MYRF: variants seen among roughly 807,000 people sequenced by gnomAD.
MYRF encodes the protein myelin regulatory factor.
Under a neutral mutation model 126.3 loss-of-function variants are expected in MYRF, and 16 were observed. That is an observed-to-expected ratio of 0.13 (90% CI 0.09 to 0.19). The LOEUF (loss-of-function observed/expected upper bound fraction) is 0.19. Ranked by LOEUF, MYRF falls within the 10% of genes least tolerant of loss-of-function variation. MYRF has a pLI of 1.00. For synonymous variants in MYRF, 608 were observed against 635.3 expected (o/e 0.96, Z 0.65); for missense variants, 1,104 against 1,547.0 (o/e 0.71, Z 4.80).
At chr11:61,756,679 A>T (rs2065768221) in intron 1 of MYRF, among the ~76,000 whole-genome samples, 1 of 104,802 alleles carries the variant, frequency 9.5e-6, no homozygotes, top group Admixed American at 1.3e-4. Context: ...GTATGTGAAC[A>T]GAGGCGGCGG....
In MYRF at chr11:61,776,455, C is replaced by A; in HGVS notation, c.1499+23C>A. On this transcript the variant is annotated intron_variant, in intron 10 of 26. Coordinates refer to ENST00000278836, the MANE Select transcript of MYRF (RefSeq NM_001127392.3). This position sits in a 1 kb window ranked among gnomAD's most constrained non-coding sequence, Gnocchi z 4.3. ...GAGGTGAGCAGGTGGGGGCCCTGCC[C>A]CGGAGCCCCTCCATTTCTGAGGCAG... is the stretch of plus-strand genomic sequence containing the variant. 6.3e-7 allele frequency: 1 copy of A among 1,593,526 alleles called. No homozygotes were observed. Among genetic ancestry groups the A allele is most frequent in the South Asian group, 1.1e-5 (1 of 89,130 alleles).
chr11:61,778,357 T>G lies in MYRF; in HGVS notation c.1904-23T>G. 1 of 1,490,718 alleles carries G rather than the reference T, an allele frequency of 6.7e-7. No individual in the cohort carries two copies. Among genetic ancestry groups the G allele is most frequent in the Non-Finnish European group, 9.4e-7 (1 of 1,067,770 alleles). The allele number at this position is 1,490,718 out of a possible 1,614,324, so 92.3% of individuals were successfully genotyped here. ...GCCCTTTACCACCCCCCCACCCATC[T>G]TTGGCTTGTCCCCTGCCCCCAGGTG... On this transcript the variant is annotated intron_variant, in intron 13 of 26. Coordinates refer to ENST00000278836, the MANE Select transcript of MYRF (RefSeq NM_001127392.3). The surrounding 1 kb of genome is among the most constrained non-coding windows in gnomAD (Gnocchi z 4.6).
At chr11:61,755,264 T>G in intron 1 of MYRF, 1 of 1,078,400 alleles carries the variant, frequency 9.3e-7, no homozygotes. Flanking sequence ...GGCTGGGGGC[T>G]AAGGCGCTTT....
In MYRF at chr11:61,787,281, C is replaced by T. The variant is rs930520039; in HGVS notation, c.*1138C>T. On this transcript the variant is annotated 3_prime_UTR_variant, in exon 27 of 27. Transcript: ENST00000278836. Reference sequence around the variant, plus strand: ...CAGGGAGCCTCCGACACCCATCCCACTCCCAACCACCAAGACCCTGGGTTA... The same window carrying T: ...CAGGGAGCCTCCGACACCCATCCCATTCCCAACCACCAAGACCCTGGGTTA... 2.0e-5 allele frequency: 3 copies of T among 152,348 alleles called. No individual in the cohort carries two copies. Among genetic ancestry groups the T allele is most frequent in the Admixed American group, 1.3e-4 (2 of 15,278 alleles). The allele number at this position is 152,348 out of a possible 1,614,324, so 9.4% of individuals were successfully genotyped here. A position where few individuals can be genotyped will look rare whatever the true frequency, so the allele number is the denominator to read the frequency against.
Position 61,771,741 on chromosome 11 carries a change from C to G in MYRF, c.982C>G (p.Pro328Ala). Residue 328 changes from proline (P) to alanine (A), a missense_variant, in exon 6 of 27, where the codon CCC becomes GCC. Physicochemically the swap from Pro to Ala is conservative, Grantham distance 27 (BLOSUM62 -1). Transcript: ENST00000278836. Reference protein sequence around the residue: ...QTPPWHPPGAPSPGLLQDSDS... With the variant: ...QTPPWHPPGAASPGLLQDSDS... ...ACCGCCTTGGCACCCGCCAGGTGCC[C>G]CCTCCCCAGGTACATGGCTGGCCAA... 6.2e-7 allele frequency: 1 copy of G among 1,611,830 alleles called. No homozygotes were observed. Among genetic ancestry groups the G allele is most frequent in the Non-Finnish European group, 8.5e-7 (1 of 1,178,538 alleles).
chr11:61,770,857 C>G (rs1332180584), intron 5 of MYRF, among the ~76,000 whole-genome samples: 1 of 152,106 alleles, frequency 6.6e-6, no homozygotes, highest in African/African-American at 2.4e-5. Context: ...TTACCCAGAC[C>G]CCAGTGATTT....
chr11:61,755,353 C>A (rs1479086299), intron 1 of MYRF: 2 of 1,598,300 alleles, frequency 1.3e-6, no homozygotes, highest in Non-Finnish European at 1.7e-6. Flanking sequence ...CCCGGCTAAT[C>A]CCCTAGAGAG....
intron 26 of MYRF, 84 bp downstream of exon 26, chr11:61,785,958 G>A (rs2066683268): frequency 6.4e-7 from 1 of 1,561,054 alleles, no homozygotes; most frequent in Non-Finnish European, 8.8e-7. Context: ...GGTTTGCACA[G>A]TATGTGGTAG....
intron 25 of MYRF, 95 bp from the exon 26 acceptor site, chr11:61,785,705 C>T: frequency 1.0e-6 from 1 of 986,442 alleles, no homozygotes. Flanking sequence ...TCATAAAACT[C>T]CCCACAGACC....
At chr11:61,767,421 C>T (rs543651953) in intron 3 of MYRF, 15 of 456,582 alleles carry the variant, frequency 3.3e-5, no homozygotes, top group African/African-American at 2.6e-4. Context: ...TTTAATGGCA[C>T]ACTGAGGCTC....
At chr11:61,781,541 GCTT>G (rs1385565591) in intron 21 of MYRF, 29 bp from the exon 22 acceptor site, 4 of 1,596,570 alleles carry the variant, frequency 2.5e-6, no homozygotes, top group Non-Finnish European at 3.4e-6. Flanking sequence ...CCAGCTTCCA[GCTT>G]CTTAGCCTGT....
At position 61,783,937 on chromosome 11, in the gene MYRF, T is replaced by C. The variant is rs2066621937; in HGVS notation, c.3194+12T>C. On this transcript the variant is annotated intron_variant, in intron 24 of 26. Transcript: ENST00000278836. This position sits in a 1 kb window ranked among gnomAD's most constrained non-coding sequence, Gnocchi z 4.6. ...ACTCTGCAGATGAAGTGAGTGCCGG[T>C]GTGGGGAAGTGGGAGGCAGGAGGGG... The C allele has an allele frequency of 1.9e-6, 3 of 1,592,934 alleles. No individual in the cohort carries two copies. Among genetic ancestry groups the C allele is most frequent in the Non-Finnish European group, 1.7e-6 (2 of 1,168,316 alleles).
At position 61,783,803 on chromosome 11, in the gene MYRF, G is replaced by C; in HGVS notation, c.3120-48G>C. 1 of 1,542,526 alleles carries C rather than the reference G, an allele frequency of 6.5e-7. No individual in the cohort carries two copies. Among genetic ancestry groups the C allele is most frequent in the Non-Finnish European group, 8.8e-7 (1 of 1,136,482 alleles). On this transcript the variant is annotated intron_variant, in intron 23 of 26. Coordinates refer to ENST00000278836, the MANE Select transcript of MYRF (RefSeq NM_001127392.3). The surrounding 1 kb of genome is among the most constrained non-coding windows in gnomAD (Gnocchi z 4.6). ...GCTGAGGAGTCCCTGGTGGGGGTGGGGGGTGGCAGGGTACCCTCAGGCTAA... is the reference window on the plus strand; with the variant it reads ...GCTGAGGAGTCCCTGGTGGGGGTGGCGGGTGGCAGGGTACCCTCAGGCTAA...
intron 1 of MYRF, among the ~76,000 whole-genome samples, chr11:61,761,262 G>C (rs866380198): frequency 9.0e-5 from 13 of 144,046 alleles, no homozygotes; most frequent in East Asian, 2.0e-4. Context: ...CAGCTGGTGG[G>C]GGGGGGGGCA....
At chr11:61,761,246 C>A (rs910138569) in intron 1 of MYRF, among the ~76,000 whole-genome samples, 1 of 133,460 alleles carries the variant, frequency 7.5e-6, no homozygotes, top group African/African-American at 2.8e-5. Flanking sequence ...ACTCAGCCAA[C>A]GGCCACAGCT....
Position 61,777,562 on chromosome 11 carries a change from G to A in MYRF, c.1791+98G>A. The A allele has an allele frequency of 6.9e-7, 1 of 1,441,150 alleles. No homozygotes were observed. The highest frequency in any genetic ancestry group is 9.4e-7 in the Non-Finnish European group (1 of 1,061,440). The allele number at this position is 1,441,150 out of a possible 1,614,324, so 89.3% of individuals were successfully genotyped here. ...GGGGGCGTGACTACGCGGAAAGGCG[G>A]AGCTGCGGGGGAAGGAAGGGAGGGA... On this transcript the variant is annotated intron_variant, in intron 12 of 26. Coordinates refer to ENST00000278836, the MANE Select transcript of MYRF (RefSeq NM_001127392.3). This position sits in a 1 kb window ranked among gnomAD's most constrained non-coding sequence, Gnocchi z 8.8.
Position 61,779,939 on chromosome 11 carries a change from T to G in MYRF, c.2336+9T>G. The G allele has an allele frequency of 6.2e-7, 1 of 1,611,694 alleles. No homozygotes were observed. The highest frequency in any genetic ancestry group is 1.7e-5 in the Admixed American group (1 of 59,810). ...GTGGTCATGGCCTTCAGGTGACTTGTCCCCTGGGCTCTCATGGTGGCTGAC... is the reference window on the plus strand; with the variant it reads ...GTGGTCATGGCCTTCAGGTGACTTGGCCCCTGGGCTCTCATGGTGGCTGAC... On this transcript the variant is annotated intron_variant, in intron 17 of 26. Transcript: ENST00000278836.
At chr11:61,759,934 C>G (rs2135705906) in intron 1 of MYRF, among the ~76,000 whole-genome samples, 1 of 152,152 alleles carries the variant, frequency 6.6e-6, no homozygotes, top group East Asian at 1.9e-4. Flanking sequence ...CGGCTCTGGT[C>G]ACAAGTTGAA....
Position 61,771,511 on chromosome 11 carries a change from A to T in MYRF, c.752A>T (p.His251Leu), listed in dbSNP as rs368005255. 1 of 1,612,566 alleles carries T rather than the reference A, an allele frequency of 6.2e-7. No homozygotes were observed. Among genetic ancestry groups the T allele is most frequent in the African/African-American group, 1.3e-5 (1 of 74,572 alleles). ...TTCTGTTTCCCCAGGCTCCCTACAC[A>T]CCCCTCCAAGAAGAGGAAGCACTCT... ...LQQHGAELPT[H>L]PSKKRKHSES... The change falls in exon 6 of 27, where the codon CAC becomes CTC. Residue 251 changes from histidine to leucine, a missense_variant. Around this residue, in one of 10 missense-constraint regions of MYRF, gnomAD observed 368 missense variants for 403.9 expected, o/e 0.91. Coordinates refer to ENST00000278836, the MANE Select transcript of MYRF (RefSeq NM_001127392.3).
Sources: allele counts gnomAD v4.1 joint callset (sites outside exome capture counted in the v4.1 genomes callset), GRCh38; gene constraint gnomAD v4.1.1; regional missense constraint gnomAD v4.1.1; non-coding constraint Gnocchi (gnomAD v3.1); transcripts MANE v1.5; gene names NCBI Gene and HGNC (gene_info 2026-07-23, HGNC 2026-07-21).